ZNF155: variants seen among roughly 807,000 people sequenced by gnomAD.
ZNF155 encodes the protein KRAB A domain.
In ZNF155, 15 loss-of-function variants were observed where a neutral mutation model predicts 11.9. The observed-to-expected ratio is 1.26, with a 90% CI of 0.84 to 1.94. ZNF155 has a LOEUF of 1.94. Among genes scored for constraint, ZNF155 ranks in the 30% most tolerant of loss-of-function variants. The pLI is 0.00. For synonymous variants in ZNF155, 212 were observed against 219.9 expected (o/e 0.96, Z 0.32); for missense variants, 602 against 639.1 (o/e 0.94, Z 0.63).
intron 4 of ZNF155, among the ~76,000 whole-genome samples, chr19:43,993,493 G>A (rs1016070069): frequency 1.3e-5 from 2 of 151,978 alleles, no homozygotes; most frequent in East Asian, 3.9e-4. Flanking sequence ...GGCTCACAGC[G>A]ACCTCCGCCT....
intron 2 of ZNF155, 64 bp from the exon 3 acceptor site, chr19:43,991,484 A>G: frequency 6.2e-7 from 1 of 1,611,762 alleles, no homozygotes; most frequent in South Asian, 1.1e-5. Flanking sequence ...CCCCTGCTCA[A>G]TGCCGCTTCT....
In ZNF155 at chr19:43,996,152, T is replaced by G; in HGVS notation, c.295T>G (p.Ser99Ala). 1 of 1,613,910 alleles carries G rather than the reference T, an allele frequency of 6.2e-7. No homozygotes were observed. The highest frequency in any genetic ancestry group is 1.6e-4 in the Middle Eastern group (1 of 6,062). Residue 99 changes from serine (S) to alanine (A), a missense_variant, in exon 5 of 5, where the codon TCC becomes GCC. Ser to Ala is a moderately conservative substitution (Grantham distance 99). Coordinates refer to ENST00000270014, the MANE Select transcript of ZNF155 (RefSeq NM_198089.3). ...AGAAGCAGGAGCACATGAAGAGTGG[T>G]CCTGCCAGCAAATCTGGGAACAAAT... Reference protein sequence around the residue: ...VPEAGAHEEWSCQQIWEQIAK... With the variant: ...VPEAGAHEEWACQQIWEQIAK...
chr19:43,987,200 A>G (rs372504039), intron 1 of ZNF155, among the ~76,000 whole-genome samples: 4 of 152,198 alleles, frequency 2.6e-5, no homozygotes, highest in African/African-American at 9.7e-5. Context: ...GTTATCTCAT[A>G]TGTGGTTCCA....
intron 2 of ZNF155, chr19:43,989,913 A>C (rs1223222270): frequency 3.3e-6 from 2 of 609,086 alleles, no homozygotes; most frequent in African/African-American, 3.9e-5. Context: ...AAGGACACTA[A>C]AAGGCCAATG....
chr19:43,985,299 G>C (rs192980977), intron 1 of ZNF155, among the ~76,000 whole-genome samples: 1 of 151,924 alleles, frequency 6.6e-6, no homozygotes, highest in South Asian at 2.1e-4. Flanking sequence ...GGTCCTAAGT[G>C]ATCCGCCTGC....
chr19:43,996,066 A>C, intron 4 of ZNF155, 27 bp from the exon 5 acceptor site: 1 of 1,567,470 alleles, frequency 6.4e-7, no homozygotes, highest in Non-Finnish European at 8.6e-7. Flanking sequence ...TCACCTGTAC[A>C]CATCTCTTAA....
intron 1 of ZNF155, among the ~76,000 whole-genome samples, chr19:43,985,350 C>G (rs536429234): frequency 6.6e-6 from 1 of 152,088 alleles, no homozygotes; most frequent in South Asian, 2.1e-4. Context: ...TGTGAGCCAC[C>G]GCGCCGGGCC....
intron 3 of ZNF155, 78 bp downstream of exon 3, chr19:43,991,752 G>A: frequency 1.9e-6 from 3 of 1,607,180 alleles, no homozygotes; most frequent in Non-Finnish European, 2.6e-6. Context: ...AAGTTTGAGT[G>A]TGCATTGGGA....
intron 4 of ZNF155, among the ~76,000 whole-genome samples, chr19:43,994,486 A>G (rs1470865963): frequency 2.6e-5 from 4 of 152,242 alleles, no homozygotes; most frequent in African/African-American, 9.6e-5. Context: ...ACTTCACACC[A>G]AGTGCAAATT....
chr19:43,985,694 A>G (rs1181805664), intron 1 of ZNF155, among the ~76,000 whole-genome samples: 5 of 151,814 alleles, frequency 3.3e-5, no homozygotes, highest in Non-Finnish European at 7.4e-5. Context: ...GGTGCGCACC[A>G]CCACGCCCAG....
intron 4 of ZNF155, among the ~76,000 whole-genome samples, chr19:43,993,519 T>C (rs781008309): frequency 8.5e-5 from 13 of 152,180 alleles, no homozygotes; most frequent in Non-Finnish European, 1.9e-4. Context: ...GTTCAAGTGA[T>C]TCTCCTGCCT....
In ZNF155 at chr19:43,996,752, T is replaced by G; in HGVS notation, c.895T>G (p.Phe299Val). The G allele has an allele frequency of 1.2e-6, 2 of 1,614,066 alleles. No individual in the cohort carries two copies. Among genetic ancestry groups the G allele is most frequent in the Non-Finnish European group, 1.7e-6 (2 of 1,180,002 alleles). ...KCDICGKTFY[F>V]RSRLKSHSMV... ...TGATATATGTGGTAAGACCTTCTATTTTAGGTCAAGACTTAAGAGCCATTC... is the reference window on the plus strand; with the variant it reads ...TGATATATGTGGTAAGACCTTCTATGTTAGGTCAAGACTTAAGAGCCATTC... The change falls in exon 5 of 5, where the codon TTT (phenylalanine) becomes GTT (valine). Residue 299 changes from phenylalanine to valine, a missense_variant. By Grantham distance (50) the Phe-to-Val change is conservative. Transcript: ENST00000270014.
rs752876042 is a variant in ZNF155 at position 43,991,952 on chromosome 19, G to A, written c.235+18G>A. 3.7e-6 allele frequency: 6 copies of A among 1,605,442 alleles called. No individual in the cohort carries two copies. The highest frequency in any genetic ancestry group is 8.5e-7 in the Non-Finnish European group (1 of 1,174,362). On this transcript the variant is annotated intron_variant, in intron 4 of 4. Coordinates refer to ENST00000270014, the MANE Select transcript of ZNF155 (RefSeq NM_198089.3). The stretch of plus-strand genomic sequence containing the variant: ...GAATTCAGGTAAGAACTAAGCATCT[G>A]TGTGTCCTTGTACCTGACTCTCCCA...
intron 1 of ZNF155, 32 bp from the exon 2 acceptor site, chr19:43,988,427 A>T: frequency 9.1e-7 from 1 of 1,100,782 alleles, no homozygotes; most frequent in Non-Finnish European, 1.3e-6. Flanking sequence ...TTCATGGGCT[A>T]ATTCACAACA....
intron 2 of ZNF155, among the ~76,000 whole-genome samples, chr19:43,989,330 C>A (rs1389387000): frequency 6.6e-6 from 1 of 152,164 alleles, no homozygotes; most frequent in Non-Finnish European, 1.5e-5. Flanking sequence ...TTAACCAAAG[C>A]AGTAGAAAGC....
In ZNF155 at chr19:43,988,570, G is replaced by T; in HGVS notation, c.15+12G>T. 1.3e-6 allele frequency: 2 copies of T among 1,598,448 alleles called. No homozygotes were observed. Among genetic ancestry groups the T allele is most frequent in the East Asian group, 2.2e-5 (1 of 44,620 alleles). ...TGACCACATTCAAGGTGAGGGGGGC[G>T]TGCCTCTCTCGCTGTTAAAATTCCA... On this transcript the variant is annotated intron_variant, in intron 2 of 4. Coordinates refer to ENST00000270014, the MANE Select transcript of ZNF155 (RefSeq NM_198089.3).
At chr19:43,988,736 TTTTGTTTTG>T in intron 2 of ZNF155, 178 bp downstream of exon 2, 1 of 515,540 alleles carries the variant, frequency 1.9e-6, no homozygotes. Context: ...TTTTGCTTTG[TTTTGTTTTG>T]TTACCATTAT....
At chr19:43,990,041 A>G in intron 2 of ZNF155, 1 of 1,498,504 alleles carries the variant, frequency 6.7e-7, no homozygotes, top group Non-Finnish European at 8.8e-7. Flanking sequence ...AGACTGTGGG[A>G]ATACTTATAA....
In ZNF155 at chr19:43,991,488, C is replaced by T. The variant is rs143299003; in HGVS notation, c.16-60C>T. The T allele has an allele frequency of 1.4e-3, 2,204 of 1,611,890 alleles. 14 individuals carry two copies. The highest frequency in any genetic ancestry group is 0.012 in the South Asian group (1,109 of 90,880). On this transcript the variant is annotated intron_variant, in intron 2 of 4. Transcript: ENST00000270014. ...CTCATCCCCTTCCCCTGCTCAATGC[C>T]GCTTCTCCCCCAGTAGTCCTTGGTC...
Sources: gnomAD v4.1 joint callset for allele counts (sites outside exome capture counted in the v4.1 genomes callset) on GRCh38, gnomAD v4.1.1 for gene constraint, MANE v1.5 for transcripts, NCBI Gene and HGNC (gene_info 2026-07-23, HGNC 2026-07-21) for gene names.